The following AK5 variants were observed in gnomAD, a reference collection of about 807,000 sequenced individuals.
AK5 encodes adenylate kinase isoenzyme 5.
AK5 carries 27 observed loss-of-function variants against 69.5 expected under a neutral mutation model. That is an observed-to-expected ratio of 0.39 (90% CI 0.29 to 0.54). The LOEUF is 0.54. Ranked by LOEUF, AK5 falls within the 20% of genes least tolerant of loss-of-function variation. AK5 has a pLI of 0.71. For synonymous variants in AK5, 260 were observed against 244.4 expected, an observed-to-expected ratio of 1.06 and a Z score of -0.60; for missense variants, 531 against 700.4, an observed-to-expected ratio of 0.76 and a Z score of 2.73.
chr1:77,465,828 A>G (rs1450359690), intron 8 of AK5, among the ~76,000 whole-genome samples: 2 of 152,202 alleles, frequency 1.3e-5, no homozygotes, highest in African/African-American at 4.8e-5. Context: ...TAATGATAAC[A>G]TCTTACATTT....
intron 5 of AK5, among the ~76,000 whole-genome samples, chr1:77,312,065 A>T (rs4949792): frequency 0.36 from 54,038 of 151,978 alleles, 10,015 homozygotes; most frequent in Middle Eastern, 0.47. Context: ...ATGATAATCC[A>T]GAGTTCCAAA....
intron 12 of AK5, among the ~76,000 whole-genome samples, chr1:77,533,880 T>G (rs893602180): frequency 6.6e-6 from 1 of 151,934 alleles, no homozygotes; most frequent in Admixed American, 6.6e-5. Context: ...AAGCTCGCCC[T>G]CTGCTGGTGA....
intron 2 of AK5, among the ~76,000 whole-genome samples, chr1:77,288,774 A>G (rs908444553): frequency 3.9e-5 from 6 of 152,212 alleles, no homozygotes; most frequent in Admixed American, 3.9e-4. Flanking sequence ...AAACAGAGAA[A>G]TAGAAAATTT....
At chr1:77,406,705 GA>G (rs891657357) in intron 6 of AK5, among the ~76,000 whole-genome samples, 135 of 140,242 alleles carry the variant, frequency 9.6e-4, no homozygotes, top group African/African-American at 2.3e-3. Context: ...TGATGCTGAG[GA>G]AAAAAAAAAA....
chr1:77,484,750 A>G (rs1397998055), intron 9 of AK5, among the ~76,000 whole-genome samples: 1 of 152,234 alleles, frequency 6.6e-6, no homozygotes, highest in East Asian at 1.9e-4. Flanking sequence ...ATTTTGGTAC[A>G]TTTCATTCCA....
intron 5 of AK5, among the ~76,000 whole-genome samples, chr1:77,312,131 C>G (rs936740498): frequency 6.6e-6 from 1 of 152,152 alleles, no homozygotes; most frequent in South Asian, 2.1e-4. Context: ...GTGCCAGGCA[C>G]CTAGCTGTGG....
At chr1:77,349,740 C>A (rs12736701) in intron 6 of AK5, among the ~76,000 whole-genome samples, 7,947 of 152,216 alleles carry the variant, frequency 0.052, 322 homozygotes, top group Admixed American at 0.12. Flanking sequence ...AATTATACTA[C>A]AAATGGCCAA....
intron 5 of AK5, among the ~76,000 whole-genome samples, chr1:77,321,374 C>T (rs1660521481): frequency 6.6e-6 from 1 of 151,846 alleles, no homozygotes; most frequent in African/African-American, 2.4e-5. Context: ...GAAGCTAAGG[C>T]AAGAGAATCA....
intron 5 of AK5, among the ~76,000 whole-genome samples, chr1:77,302,577 A>T (rs1236156995): frequency 6.6e-6 from 1 of 152,172 alleles, no homozygotes; most frequent in East Asian, 1.9e-4. Context: ...GTTTTGCTTC[A>T]GGGCTAGGTG....
intron 6 of AK5, among the ~76,000 whole-genome samples, chr1:77,359,204 G>A (rs1445838196): frequency 5.3e-5 from 8 of 150,920 alleles, no homozygotes; most frequent in East Asian, 2.0e-4. Flanking sequence ...ACAGTGAGCC[G>A]AGATTACGCC....
intron 8 of AK5, among the ~76,000 whole-genome samples, chr1:77,423,076 C>CCGGGCGCGGGGGGT (rs1553148910): frequency 6.6e-6 from 1 of 151,898 alleles, no homozygotes; most frequent in African/African-American, 2.4e-5. Flanking sequence ...AAAAAATTAG[C>CCGGGCGCGGGGGGT]CGGGCGTGGT....
chr1:77,359,124 G>A (rs1646807899), intron 6 of AK5, among the ~76,000 whole-genome samples: 1 of 151,824 alleles, frequency 6.6e-6, no homozygotes, highest in African/African-American at 2.4e-5. Flanking sequence ...GCATAGTGGT[G>A]GGTGCCTGTA....
intron 13 of AK5, among the ~76,000 whole-genome samples, chr1:77,546,128 C>CGT (rs1431685273): frequency 6.6e-6 from 1 of 152,124 alleles, no homozygotes; most frequent in Non-Finnish European, 1.5e-5. Flanking sequence ...GTGCTTGCTG[C>CGT]GTGTGTGTCT....
intron 8 of AK5, among the ~76,000 whole-genome samples, chr1:77,477,033 T>TGTGC (rs1361735251): frequency 5.1e-5 from 7 of 138,146 alleles, no homozygotes; most frequent in African/African-American, 1.1e-4. Context: ...TGTGTGTGCG[T>TGTGC]GTGTGTGTTT....
chr1:77,444,333 GTA>G (rs1290223918), intron 8 of AK5, among the ~76,000 whole-genome samples: 7 of 44,218 alleles, frequency 1.6e-4, no homozygotes, highest in African/African-American at 2.6e-4. Flanking sequence ...TATATATATA[GTA>G]TATATACACA....
chr1:77,478,484 A>G (rs1655076595), intron 8 of AK5, among the ~76,000 whole-genome samples: 1 of 152,170 alleles, frequency 6.6e-6, no homozygotes, highest in Admixed American at 6.5e-5. Flanking sequence ...ATAAGATGTG[A>G]CTTGCTCCTC....
At chr1:77,460,316 G>A (rs1394056450) in intron 8 of AK5, among the ~76,000 whole-genome samples, 10 of 152,140 alleles carry the variant, frequency 6.6e-5, no homozygotes, top group Admixed American at 1.3e-4. Context: ...AGTAGCAAAC[G>A]TCACAGGAAA....
chr1:77,527,525 A>G (rs185514582), intron 12 of AK5, among the ~76,000 whole-genome samples: 2 of 152,358 alleles, frequency 1.3e-5, no homozygotes, highest in East Asian at 1.9e-4. Context: ...CAATGCTAAA[A>G]TTCATGATTC....
chr1:77,489,907 G>A (rs1302349097), intron 10 of AK5, among the ~76,000 whole-genome samples: 2 of 152,114 alleles, frequency 1.3e-5, no homozygotes, highest in Non-Finnish European at 2.9e-5. Context: ...CACTTTGCCA[G>A]CCCTTTCACT....
Sources: allele counts gnomAD v4.1 joint callset (sites outside exome capture counted in the v4.1 genomes callset), GRCh38; gene constraint gnomAD v4.1.1; transcripts MANE v1.5; gene names NCBI Gene and HGNC (gene_info 2026-07-23, HGNC 2026-07-21).